The following CMIP variants were observed in gnomAD, a reference collection of about 807,000 sequenced individuals.
CMIP encodes the protein c-Maf inducing protein.
CMIP carries 13 observed loss-of-function variants against 97.3 expected under a neutral mutation model. The observed-to-expected ratio is 0.13, with a 90% CI of 0.09 to 0.21. CMIP has a LOEUF of 0.21. Among genes scored for constraint, CMIP ranks in the 10% least tolerant of loss-of-function variants. CMIP has a pLI of 1.00. For synonymous variants in CMIP, 538 were observed against 436.3 expected (o/e 1.23, Z -2.91); for missense variants, 847 against 1,024.9 (o/e 0.83, Z 2.37).
chr16:81,615,003 T>C (rs1210808319), intron 2 of CMIP, among the ~76,000 whole-genome samples: 1 of 145,314 alleles, frequency 6.9e-6, no homozygotes, highest in African/African-American at 2.5e-5. Flanking sequence ...TATGTGTCTA[T>C]ATGTGATGTC....
chr16:81,521,530 G>A (rs1032334688), intron 1 of CMIP, among the ~76,000 whole-genome samples: 6 of 152,186 alleles, frequency 3.9e-5, no homozygotes, highest in African/African-American at 1.4e-4. Context: ...TTCCAGAAGA[G>A]GAGGGGGCTG....
At chr16:81,635,154 C>T (rs1367315935) in intron 3 of CMIP, among the ~76,000 whole-genome samples, 1 of 151,978 alleles carries the variant, frequency 6.6e-6, no homozygotes, top group African/African-American at 2.4e-5. Flanking sequence ...CCTGAAATGC[C>T]CTGAAAATGC....
intron 1 of CMIP, among the ~76,000 whole-genome samples, chr16:81,579,208 A>G (rs2091254220): frequency 6.6e-6 from 1 of 152,160 alleles, no homozygotes; most frequent in Admixed American, 6.5e-5. Context: ...CTTAACAATG[A>G]GGAGGAAGAT....
At chr16:81,639,027 C>G (rs181085771) in intron 3 of CMIP, among the ~76,000 whole-genome samples, 1 of 152,078 alleles carries the variant, frequency 6.6e-6, no homozygotes, top group East Asian at 1.9e-4. Context: ...TCCAGAATGC[C>G]GAGGGAGAGT....
At chr16:81,446,971 C>G (rs1483088009) in intron 1 of CMIP, among the ~76,000 whole-genome samples, 1 of 152,086 alleles carries the variant, frequency 6.6e-6, no homozygotes, top group South Asian at 2.1e-4. Context: ...TGCAAAGACT[C>G]CTTTTTCAGG....
intron 7 of CMIP, among the ~76,000 whole-genome samples, chr16:81,667,559 A>G (rs1212438804): frequency 6.6e-6 from 1 of 152,170 alleles, no homozygotes; most frequent in Non-Finnish European, 1.5e-5. Context: ...AGCTAAGATG[A>G]CAGTTACCTT....
Position 81,472,913 on chromosome 16 carries a change from C to G in CMIP, c.300+27372C>G, listed in dbSNP as rs140055232. 2.5e-3 allele frequency among the ~76,000 whole-genome samples: 385 copies of G among 152,298 alleles called. 4 individuals are homozygous for G. Among genetic ancestry groups the G allele is most frequent in the African/African-American group, 8.5e-3 (354 of 41,554 alleles). ...TGTTCCTTTCGGGGCTTGGCCACAC[C>G]GCAGCTGCCCAGTGAGTGTGTGAGG... is the stretch of plus-strand genomic sequence containing the variant. On this transcript the variant is annotated intron_variant, in intron 1 of 20. Coordinates refer to ENST00000537098, the MANE Select transcript of CMIP (RefSeq NM_198390.3).
At chr16:81,515,908 A>T (rs1286160206) in intron 1 of CMIP, among the ~76,000 whole-genome samples, 1 of 152,128 alleles carries the variant, frequency 6.6e-6, no homozygotes. Context: ...GGCCACTCTG[A>T]TGGCACCTGC....
chr16:81,505,477 G>A (rs116794271), intron 1 of CMIP, among the ~76,000 whole-genome samples: 153 of 152,354 alleles, frequency 1.0e-3, no homozygotes, highest in African/African-American at 3.4e-3. Flanking sequence ...GTGAGCCCCA[G>A]AGCCTCAGCT....
chr16:81,484,157 C>T (rs1235395013), intron 1 of CMIP, among the ~76,000 whole-genome samples: 1 of 152,110 alleles, frequency 6.6e-6, no homozygotes, highest in East Asian at 1.9e-4. Flanking sequence ...TCCACCAACT[C>T]CAGGTCAGCT....
intron 2 of CMIP, among the ~76,000 whole-genome samples, chr16:81,612,000 C>T (rs1374124135): frequency 1.3e-5 from 2 of 152,184 alleles, no homozygotes; most frequent in Admixed American, 1.3e-4. Flanking sequence ...CCCTCACTGC[C>T]ATGTTATTAG....
chr16:81,702,976 T>C (rs1433040778), intron 17 of CMIP, among the ~76,000 whole-genome samples: 1 of 152,184 alleles, frequency 6.6e-6, no homozygotes, highest in Non-Finnish European at 1.5e-5. Context: ...GATGCTCTTC[T>C]ATTAGTTTGT....
intron 1 of CMIP, among the ~76,000 whole-genome samples, chr16:81,446,325 C>T (rs1178185228): frequency 1.3e-5 from 2 of 151,764 alleles, no homozygotes; most frequent in East Asian, 1.9e-4. Flanking sequence ...AGGACTGGGT[C>T]AGCTGGATGA....
intron 7 of CMIP, among the ~76,000 whole-genome samples, chr16:81,668,094 A>T (rs2092630189): frequency 6.6e-6 from 1 of 151,896 alleles, no homozygotes; most frequent in Admixed American, 6.6e-5. Flanking sequence ...GGTCAGTTAG[A>T]CCTGAGGGGG....
At chr16:81,532,070 C>T (rs2090247701) in intron 1 of CMIP, among the ~76,000 whole-genome samples, 1 of 152,208 alleles carries the variant, frequency 6.6e-6, no homozygotes, top group Admixed American at 6.5e-5. Context: ...TCCTAGCAAT[C>T]TGGTGAGCTC....
intron 6 of CMIP, among the ~76,000 whole-genome samples, chr16:81,661,548 C>T (rs1367092899): frequency 6.6e-6 from 1 of 152,212 alleles, no homozygotes; most frequent in African/African-American, 2.4e-5. Flanking sequence ...CAGCACTCCC[C>T]TGTCATACCC....
At chr16:81,610,211 T>C in intron 2 of CMIP, 1 of 545,034 alleles carries the variant, frequency 1.8e-6, no homozygotes, top group Non-Finnish European at 2.3e-6. Flanking sequence ...AAGCAGTGCC[T>C]GGAATGTCCC....
At chr16:81,530,398 G>A (rs1197775398) in intron 1 of CMIP, among the ~76,000 whole-genome samples, 1 of 152,088 alleles carries the variant, frequency 6.6e-6, no homozygotes, top group Non-Finnish European at 1.5e-5. Context: ...TGCGCTGCAA[G>A]GTGGGGTGTG....
intron 1 of CMIP, among the ~76,000 whole-genome samples, chr16:81,575,463 C>A (rs766407329): frequency 6.6e-6 from 1 of 152,082 alleles, no homozygotes; most frequent in Admixed American, 6.6e-5. Context: ...AACATTGTCC[C>A]GAGTCGAGTC....
Sources: gnomAD v4.1 joint callset for allele counts (sites outside exome capture counted in the v4.1 genomes callset) on GRCh38, gnomAD v4.1.1 for gene constraint, MANE v1.5 for transcripts, NCBI Gene and HGNC (gene_info 2026-07-23, HGNC 2026-07-21) for gene names.